HDDC2: variants seen among roughly 807,000 people sequenced by gnomAD.
HDDC2 encodes HD domain containing 2.
HDDC2 carries 25 observed loss-of-function variants against 25.5 expected under a neutral mutation model. That is an observed-to-expected ratio of 0.98 (90% confidence interval 0.72 to 1.37). HDDC2 has a LOEUF of 1.37. Ranked by LOEUF, HDDC2 falls within the 40% of genes most tolerant of loss-of-function variation. The pLI is 0.00. For missense variants in HDDC2, 264 were observed against 253.1 expected (o/e 1.04, Z -0.29); for synonymous variants, 106 against 89.7 (o/e 1.18, Z -1.03).
intron 4 of HDDC2, 25 bp from the exon 5 acceptor site, chr6:125,277,265 G>A: frequency 6.2e-7 from 1 of 1,612,696 alleles, no homozygotes; most frequent in Non-Finnish European, 8.5e-7. Context: ...AATTAAAGCA[G>A]CATGATTAGC....
chr6:125,292,427 T>C (rs1236887323), intron 4 of HDDC2, among the ~76,000 whole-genome samples: 1 of 151,954 alleles, frequency 6.6e-6, no homozygotes, highest in Non-Finnish European at 1.5e-5. Context: ...CATCCAACCC[T>C]AGCAACCCTC....
intron 3 of HDDC2, among the ~76,000 whole-genome samples, chr6:125,296,303 T>G (rs143769104): frequency 6.6e-6 from 1 of 152,116 alleles, no homozygotes; most frequent in Admixed American, 6.6e-5. Flanking sequence ...TGGTTATCTA[T>G]GGGGGTCCTG....
intron 4 of HDDC2, among the ~76,000 whole-genome samples, chr6:125,288,781 A>G (rs1394011532): frequency 7.4e-6 from 1 of 135,630 alleles, no homozygotes; most frequent in Non-Finnish European, 1.5e-5. Flanking sequence ...CCACTATGAG[A>G]TATCATCTCA....
At chr6:125,289,420 A>G (rs1209570055) in intron 4 of HDDC2, among the ~76,000 whole-genome samples, 3 of 137,486 alleles carry the variant, frequency 2.2e-5, no homozygotes, top group Non-Finnish European at 4.7e-5. Context: ...AGCATGGCAC[A>G]TGTATACATA....
intron 3 of HDDC2, among the ~76,000 whole-genome samples, chr6:125,294,035 T>C (rs1013131843): frequency 2.6e-5 from 4 of 152,222 alleles, no homozygotes; most frequent in Non-Finnish European, 4.4e-5. Flanking sequence ...ATTTATGAGT[T>C]ACTCCAGTAT....
intron 3 of HDDC2, among the ~76,000 whole-genome samples, chr6:125,295,911 G>A (rs1239663341): frequency 6.6e-6 from 1 of 152,076 alleles, no homozygotes; most frequent in Non-Finnish European, 1.5e-5. Context: ...AATATCAAGT[G>A]TATGTTAATA....
In HDDC2 at chr6:125,276,050, A is replaced by G; in HGVS notation, c.*96T>C. 1.1e-6 allele frequency: 1 copy of G among 894,926 alleles called. No homozygotes were observed. Among genetic ancestry groups the G allele is most frequent in the Non-Finnish European group, 1.8e-6 (1 of 540,718 alleles). The allele number at this position is 894,926 out of a possible 1,614,324, so 55.4% of individuals were successfully genotyped here. ...GACAATTGAAAACAAACAGACTCAC[A>G]TCTAGGGAAATCAACAGACCAACAA... On this transcript the variant is annotated 3_prime_UTR_variant, in exon 6 of 6. Transcript: ENST00000398153.
At chr6:125,301,466 AGTT>A (rs1562453210) in intron 1 of HDDC2, among the ~76,000 whole-genome samples, 1 of 98,636 alleles carries the variant, frequency 1.0e-5, no homozygotes, top group African/African-American at 5.8e-5. Context: ...CACACACACG[AGTT>A]CTGGGGTCGT....
chr6:125,284,593 G>C (rs1193755103), intron 4 of HDDC2, among the ~76,000 whole-genome samples: 8 of 152,196 alleles, frequency 5.3e-5, no homozygotes, highest in Admixed American at 1.3e-4. Flanking sequence ...TTAGAGAAAT[G>C]CAAATGAAAA....
intron 3 of HDDC2, among the ~76,000 whole-genome samples, chr6:125,297,896 T>C (rs894485863): frequency 6.6e-6 from 1 of 152,256 alleles, no homozygotes; most frequent in African/African-American, 2.4e-5. Context: ...ATTGATGTTA[T>C]TCATTTCTTT....
chr6:125,298,341 T>C (rs1349834005), intron 3 of HDDC2, among the ~76,000 whole-genome samples: 1 of 152,202 alleles, frequency 6.6e-6, no homozygotes, highest in Admixed American at 6.5e-5. Flanking sequence ...CAAAATCCAA[T>C]CTGCTGCTTA....
chr6:125,294,784 T>A (rs1030115418), intron 3 of HDDC2, among the ~76,000 whole-genome samples: 1 of 152,222 alleles, frequency 6.6e-6, no homozygotes, highest in Non-Finnish European at 1.5e-5. Context: ...ATCATCACCT[T>A]CCTCATGCTA....
chr6:125,297,592 T>C (rs1454835989), intron 3 of HDDC2: 2 of 397,912 alleles, frequency 5.0e-6, no homozygotes, highest in Non-Finnish European at 8.7e-6. Context: ...AGTAACAGTC[T>C]GATGTCTCTT....
intron 4 of HDDC2, among the ~76,000 whole-genome samples, chr6:125,285,090 C>G (rs1355278260): frequency 6.7e-6 from 1 of 149,710 alleles, no homozygotes; most frequent in Non-Finnish European, 1.5e-5. Context: ...CATATGTTCT[C>G]ACTCATAAGT....
At position 125,300,589 on chromosome 6, in the gene HDDC2, C is replaced by T. The variant is rs140605836; in HGVS notation, c.155G>A (p.Arg52Gln). 1.7e-5 allele frequency: 28 copies of T among 1,614,114 alleles called. No individual in the cohort carries two copies. The highest frequency in any genetic ancestry group is 5.3e-5 in the African/African-American group (4 of 75,030). ...RPESVSDHMYRMAVMAMVIKD... is the reference protein window; with the variant it reads ...RPESVSDHMYQMAVMAMVIKD... ...GATCACCATAGCCATAACTGCCATC[C>T]GGTACATGTGATCTGAAACGCTCTC... The change falls in exon 2 of 6, where the codon CGG becomes CAG. Residue 52 changes from arginine to glutamine, a missense_variant. Arg to Gln is a conservative substitution (Grantham distance 43). Coordinates refer to ENST00000398153, the MANE Select transcript of HDDC2 (RefSeq NM_016063.3).
chr6:125,289,714 A>G (rs967673661), intron 4 of HDDC2, among the ~76,000 whole-genome samples: 19 of 152,202 alleles, frequency 1.2e-4, no homozygotes, highest in Admixed American at 1.0e-3. Flanking sequence ...GGGGGGAGAC[A>G]TTTTTAAAAG....
At position 125,294,495 on chromosome 6, in the gene HDDC2, G is replaced by T. The variant is rs142187087; in HGVS notation, c.310-1586C>A. Reference sequence around the variant, plus strand: ...GTTTCTTTTTCATAAATTTCAGCAAGAATACTTGAGAAAATACTTTATATT... The same window carrying T: ...GTTTCTTTTTCATAAATTTCAGCAATAATACTTGAGAAAATACTTTATATT... On this transcript the variant is annotated intron_variant, in intron 3 of 5. Coordinates refer to ENST00000398153, the MANE Select transcript of HDDC2 (RefSeq NM_016063.3). Among the ~76,000 whole-genome samples the T allele has an allele frequency of 4.0e-3, 604 of 152,260 alleles. 2 individuals are homozygous for T. Among genetic ancestry groups the T allele is most frequent in the South Asian group, 0.026 (126 of 4,818 alleles).
chr6:125,289,271 A>T (rs1798591944), intron 4 of HDDC2, among the ~76,000 whole-genome samples: 1 of 131,672 alleles, frequency 7.6e-6, no homozygotes, highest in Admixed American at 7.5e-5. Context: ...CATAGGTGGG[A>T]ATTGAACAAT....
Position 125,300,640 on chromosome 6 carries a change from C to T in HDDC2, c.104G>A (p.Trp35Ter). ...CGGCCTCTGGACATTTCTGTATACC[C>T]AGCCAGTTCGTGGGACTCTCTGATA... ...GQLKRVPRTG[W>*]VYRNVQRPES... Residue 35 changes from tryptophan to a stop codon, truncating the protein, a stop_gained, in exon 2 of 6, where the codon TGG (tryptophan) becomes TAG (stop). Coordinates refer to ENST00000398153, the MANE Select transcript of HDDC2 (RefSeq NM_016063.3). LOFTEE classifies it high-confidence loss of function. 1 of 1,612,964 alleles carries T rather than the reference C, an allele frequency of 6.2e-7. No individual in the cohort carries two copies. Among genetic ancestry groups the T allele is most frequent in the Non-Finnish European group, 8.5e-7 (1 of 1,179,754 alleles).
Sources: gnomAD v4.1 joint callset for allele counts (sites outside exome capture counted in the v4.1 genomes callset) on GRCh38, gnomAD v4.1.1 for gene constraint, MANE v1.5 for transcripts, NCBI Gene and HGNC (gene_info 2026-07-23, HGNC 2026-07-21) for gene names.